HECW2: variants seen among roughly 807,000 people sequenced by gnomAD.
HECW2 encodes the protein HECT, C2 and WW domain containing E3 ubiquitin protein ligase 2, also known as E3 ubiquitin-protein ligase HECW2.
A neutral mutation model predicts 175.2 loss-of-function variants in HECW2; 61 were observed. The ratio of observed to expected loss-of-function variants is 0.35; its 90% CI spans 0.28 to 0.43. The LOEUF (loss-of-function observed/expected upper bound fraction) is 0.43. HECW2 is among the 20% of genes least tolerant of loss of function. The pLI, the probability that HECW2 is intolerant of heterozygous loss-of-function variation, is 1.00. For missense variants in HECW2, 1,524 were observed against 2,000.5 expected (o/e 0.76, Z 4.54); for synonymous variants, 671 against 731.0 (o/e 0.92, Z 1.32).
chr2:196,277,231 T>C (rs1342097529), intron 15 of HECW2, among the ~76,000 whole-genome samples: 1 of 152,208 alleles, frequency 6.6e-6, no homozygotes, highest in Non-Finnish European at 1.5e-5. Flanking sequence ...TGGTTACCAT[T>C]GGTCCCTGCA....
chr2:196,418,380 G>A (rs893667219), intron 2 of HECW2, among the ~76,000 whole-genome samples: 9 of 151,964 alleles, frequency 5.9e-5, no homozygotes, highest in Middle Eastern at 3.2e-3. Flanking sequence ...TGCCTGCCTC[G>A]GCCTCCCAAA....
chr2:196,310,015 T>C (rs16849378), intron 10 of HECW2, among the ~76,000 whole-genome samples: 10,679 of 152,284 alleles, frequency 0.07, 436 homozygotes, highest in East Asian at 0.13. Context: ...ATGGCTTGCT[T>C]GAGGTCTATA....
At chr2:196,316,620 T>C (rs1691708699) in intron 10 of HECW2, 1 of 152,320 alleles carries the variant, frequency 6.6e-6, no homozygotes. Context: ...ATTTGGATTA[T>C]GATTGGCTAA....
chr2:196,417,350 A>G (rs762793359), intron 2 of HECW2, among the ~76,000 whole-genome samples: 1 of 152,260 alleles, frequency 6.6e-6, no homozygotes, highest in Non-Finnish European at 1.5e-5. Flanking sequence ...ACAGCATCAC[A>G]TAATAAGATG....
At chr2:196,373,189 A>C (rs1386555848) in intron 2 of HECW2, among the ~76,000 whole-genome samples, 1 of 152,264 alleles carries the variant, frequency 6.6e-6, no homozygotes, top group Non-Finnish European at 1.5e-5. Context: ...CCAGGAAGGC[A>C]GCTGGCTAGA....
chr2:196,229,279 AT>A (rs573996893), intron 21 of HECW2, among the ~76,000 whole-genome samples: 42 of 147,974 alleles, frequency 2.8e-4, no homozygotes, highest in South Asian at 6.5e-4. Flanking sequence ...TTCTTTTTGA[AT>A]TTTTTTTTTG....
chr2:196,266,116 A>G (rs1689502691), intron 17 of HECW2, among the ~76,000 whole-genome samples: 1 of 151,674 alleles, frequency 6.6e-6, no homozygotes, highest in Non-Finnish European at 1.5e-5. Flanking sequence ...GGATCTCTTA[A>G]GCCCAGGTAT....
intron 28 of HECW2, among the ~76,000 whole-genome samples, chr2:196,202,597 G>T (rs1686901399): frequency 6.6e-6 from 1 of 152,116 alleles, no homozygotes; most frequent in South Asian, 2.1e-4. Context: ...AATAATAGAG[G>T]TATTGTTAGC....
intron 2 of HECW2, among the ~76,000 whole-genome samples, chr2:196,418,357 T>C (rs1317879829): frequency 6.6e-6 from 1 of 152,158 alleles, no homozygotes; most frequent in African/African-American, 2.4e-5. Flanking sequence ...CTCGATTTCC[T>C]GACCTCGTGA....
intron 21 of HECW2, among the ~76,000 whole-genome samples, chr2:196,230,415 G>A (rs762132466): frequency 1.8e-4 from 27 of 152,170 alleles, no homozygotes; most frequent in Non-Finnish European, 3.7e-4. Flanking sequence ...AGATCCTGAA[G>A]ATATAAAACG....
chr2:196,284,831 G>A (rs143960726), intron 14 of HECW2, among the ~76,000 whole-genome samples: 1 of 146,780 alleles, frequency 6.8e-6, no homozygotes, highest in Non-Finnish European at 1.5e-5. Context: ...GTCTAGAGTA[G>A]AGTATGTCGA....
intron 2 of HECW2, among the ~76,000 whole-genome samples, chr2:196,403,043 G>A (rs1016667999): frequency 1.3e-5 from 2 of 152,116 alleles, no homozygotes; most frequent in African/African-American, 4.8e-5. Context: ...CTGACCTCAG[G>A]TGATCCGCCC....
chr2:196,374,738 A>G (rs964303878), intron 2 of HECW2, among the ~76,000 whole-genome samples: 1 of 152,124 alleles, frequency 6.6e-6, no homozygotes, highest in African/African-American at 2.4e-5. Context: ...TCAACAACTC[A>G]TATCTCAAGA....
intron 2 of HECW2, among the ~76,000 whole-genome samples, chr2:196,395,639 C>T (rs1313925071): frequency 2.6e-5 from 4 of 150,950 alleles, no homozygotes; most frequent in Non-Finnish European, 5.9e-5. Context: ...TGATGCATAT[C>T]ATCATTAGGA....
chr2:196,485,566 C>G (rs1213289314), intron 1 of HECW2, among the ~76,000 whole-genome samples: 2 of 152,122 alleles, frequency 1.3e-5, no homozygotes, highest in Non-Finnish European at 2.9e-5. Flanking sequence ...TCTGCACCCT[C>G]ATGACTTACC....
intron 1 of HECW2, among the ~76,000 whole-genome samples, chr2:196,444,778 A>G (rs904485199): frequency 6.6e-6 from 1 of 152,246 alleles, no homozygotes; most frequent in African/African-American, 2.4e-5. Context: ...ATCTGAAGTT[A>G]GCAAATGGTT....
rs77652788 is a variant in HECW2 at position 196,570,817 on chromosome 2, A to G, written c.-36+22691T>C. The stretch of plus-strand genomic sequence containing the variant: ...CATATCTAGCTAGTATCATGGGACA[A>G]TAACCAGCAATAGCCAGTAGAAGCT... On this transcript the variant is annotated intron_variant, in intron 1 of 28. Transcript: ENST00000644978. Among the ~76,000 whole-genome samples the G allele has an allele frequency of 6.6e-4, 100 of 152,324 alleles. 7 individuals carry two copies. In the East Asian group the frequency reaches 0.019, roughly 29 times the overall value.
chr2:196,258,029 G>C, intron 17 of HECW2, 123 bp from the exon 18 acceptor site: 1 of 662,586 alleles, frequency 1.5e-6, no homozygotes, highest in Non-Finnish European at 2.7e-6. Context: ...GGCAGCTACT[G>C]TGTAATACCC....
At chr2:196,227,594 G>A (rs553110696) in intron 22 of HECW2, among the ~76,000 whole-genome samples, 41 of 152,122 alleles carry the variant, frequency 2.7e-4, no homozygotes, top group African/African-American at 9.9e-4. Flanking sequence ...CAGCCCCACT[G>A]CCCACTAGAG....
Sources: allele counts gnomAD v4.1 joint callset (sites outside exome capture counted in the v4.1 genomes callset), GRCh38; gene constraint gnomAD v4.1.1; transcripts MANE v1.5; gene names NCBI Gene and HGNC (gene_info 2026-07-23, HGNC 2026-07-21).